Variants in LRP12 observed in about 807,000 individuals in gnomAD.
LRP12 encodes the protein low-density lipoprotein receptor-related protein 12.
In LRP12, 14 loss-of-function variants were observed where a neutral mutation model predicts 66.0. That is an observed-to-expected ratio of 0.21 (90% CI 0.14 to 0.33). The LOEUF is 0.33. Among genes scored for constraint, LRP12 ranks in the 10% least tolerant of loss-of-function variants. The pLI is 1.00. For missense variants in LRP12, 889 were observed against 1,053.4 expected (o/e 0.84, Z 2.16); for synonymous variants, 357 against 359.1 (o/e 0.99, Z 0.07).
chr8:104,541,411 G>T (rs1811474054), intron 1 of LRP12, among the ~76,000 whole-genome samples: 1 of 152,132 alleles, frequency 6.6e-6, no homozygotes, highest in Admixed American at 6.5e-5. Context: ...TATGACTGTG[G>T]TTCACAAGAA....
chr8:104,498,936 T>C (rs1448306274), intron 4 of LRP12, among the ~76,000 whole-genome samples: 1 of 152,206 alleles, frequency 6.6e-6, no homozygotes, highest in African/African-American at 2.4e-5. Flanking sequence ...CTATAAACTA[T>C]GAAGGTGAAA....
Position 104,540,640 on chromosome 8 carries a change from C to A in LRP12, c.80-8677G>T, listed in dbSNP as rs529151373. Among the ~76,000 whole-genome samples, 4 of 152,296 alleles carry A rather than the reference C, an allele frequency of 2.6e-5. No individual in the cohort carries two copies. In the South Asian group the frequency reaches 8.3e-4, roughly 32 times the overall value. On this transcript the variant is annotated intron_variant, in intron 1 of 6. Transcript: ENST00000276654. ...GCCATCCATTATGTATTTATATGAA[C>A]TAGCCTTGAACCTATTTCCCACTTA... is the stretch of plus-strand genomic sequence containing the variant.
intron 3 of LRP12, chr8:104,506,062 T>C (rs1810901911): frequency 6.6e-6 from 1 of 152,250 alleles, no homozygotes; most frequent in Non-Finnish European, 1.5e-5. Context: ...CTAAAAATAC[T>C]ATTTACACGT....
chr8:104,519,004 A>G (rs1811111290), intron 2 of LRP12, among the ~76,000 whole-genome samples: 1 of 152,112 alleles, frequency 6.6e-6, no homozygotes, highest in African/African-American at 2.4e-5. Context: ...CAAGAAAAAT[A>G]AGTTAGAGTA....
chr8:104,571,952 T>C (rs1387908210), intron 1 of LRP12, among the ~76,000 whole-genome samples: 5 of 152,222 alleles, frequency 3.3e-5, no homozygotes, highest in Non-Finnish European at 5.9e-5. Context: ...TAAAAACTTA[T>C]GTCCACACAG....
chr8:104,548,027 ATAT>A (rs1292114768), intron 1 of LRP12, among the ~76,000 whole-genome samples: 2,690 of 120,142 alleles, frequency 0.022, 49 homozygotes, highest in South Asian at 0.043. Context: ...TATATTTTGT[ATAT>A]AATATATAAT....
chr8:104,579,303 A>C (rs1812211060), intron 1 of LRP12, among the ~76,000 whole-genome samples: 2 of 152,178 alleles, frequency 1.3e-5, no homozygotes, highest in South Asian at 4.1e-4. Flanking sequence ...AGCTGAAGCC[A>C]AATCAGGAAT....
intron 1 of LRP12, among the ~76,000 whole-genome samples, chr8:104,585,753 T>C (rs965823334): frequency 2.6e-5 from 4 of 152,106 alleles, no homozygotes; most frequent in Non-Finnish European, 5.9e-5. Context: ...AATGTGTATT[T>C]TAAGGGTGGG....
chr8:104,555,213 T>C (rs541331625), intron 1 of LRP12, among the ~76,000 whole-genome samples: 4 of 152,100 alleles, frequency 2.6e-5, no homozygotes, highest in African/African-American at 9.6e-5. Context: ...CAATGAAATA[T>C]CACAATGAAA....
chr8:104,577,482 G>C (rs1042651105), intron 1 of LRP12, among the ~76,000 whole-genome samples: 4 of 152,162 alleles, frequency 2.6e-5, no homozygotes, highest in Non-Finnish European at 4.4e-5. Flanking sequence ...AATGACTTTT[G>C]GGTAAATAAT....
Position 104,499,429 on chromosome 8 carries a change from A to AGCTCTGT in LRP12, c.356_362dup (p.Cys122GlnfsTer21). ...ACGGAGGTGGAATTGTGGAACCACA[A>AGCTCTGT]GCTCTGTAACTTTCAATATTCTTGT... On this transcript the variant is annotated frameshift_variant, in exon 4 of 7. Coordinates refer to ENST00000276654, the MANE Select transcript of LRP12 (RefSeq NM_013437.5). LOFTEE classifies it high-confidence loss of function. 1 of 1,613,780 alleles carries AGCTCTGT rather than the reference A, an allele frequency of 6.2e-7. No individual in the cohort carries two copies. Among genetic ancestry groups the AGCTCTGT allele is most frequent in the Non-Finnish European group, 8.5e-7 (1 of 1,179,716 alleles).
chr8:104,588,665 C>G (rs531201901), intron 1 of LRP12, among the ~76,000 whole-genome samples, 154 bp downstream of exon 1: 19 of 152,164 alleles, frequency 1.2e-4, no homozygotes, highest in African/African-American at 4.3e-4. Context: ...TGGGGACACC[C>G]GTTCCGCCAC....
intron 2 of LRP12, among the ~76,000 whole-genome samples, chr8:104,519,413 T>G (rs952353814): frequency 6.6e-6 from 1 of 152,054 alleles, no homozygotes; most frequent in Non-Finnish European, 1.5e-5. Context: ...GAACATAGGT[T>G]GAGTATCCCT....
chr8:104,586,346 C>T (rs548584668), intron 1 of LRP12, among the ~76,000 whole-genome samples: 1 of 152,226 alleles, frequency 6.6e-6, no homozygotes, highest in South Asian at 2.1e-4. Context: ...CTGAAGCACA[C>T]CTTAGAGTCA....
At chr8:104,548,332 TATATAAATATATAAA>T (rs1312067231) in intron 1 of LRP12, among the ~76,000 whole-genome samples, 891 of 9,882 alleles carry the variant, frequency 0.09, 121 homozygotes, top group African/African-American at 0.39. Flanking sequence ...TAATATATAT[TATATAAATATATAAA>T]TATATAATAT....
At chr8:104,552,208 T>C (rs1004398105) in intron 1 of LRP12, among the ~76,000 whole-genome samples, 2 of 152,152 alleles carry the variant, frequency 1.3e-5, no homozygotes, top group Non-Finnish European at 2.9e-5. Flanking sequence ...AGTCTTTAGA[T>C]TGTAAGGGAC....
At chr8:104,548,348 T>TAA (rs1564142249) in intron 1 of LRP12, among the ~76,000 whole-genome samples, 22,036 of 44,936 alleles carry the variant, frequency 0.49, 3,966 homozygotes, top group Non-Finnish European at 0.54. Flanking sequence ...AATATATAAA[T>TAA]ATATAATATA....
chr8:104,524,241 CA>C (rs57379814), intron 2 of LRP12, among the ~76,000 whole-genome samples: 50,908 of 96,828 alleles, frequency 0.53, 10,505 homozygotes, highest in East Asian at 0.8. Flanking sequence ...GACCCTGTCT[CA>C]AAAAAAAAAA....
chr8:104,492,553 C>T (rs1174541347), intron 6 of LRP12, among the ~76,000 whole-genome samples: 1 of 152,162 alleles, frequency 6.6e-6, no homozygotes, highest in South Asian at 2.1e-4. Context: ...TGCCAAAACT[C>T]ACACCTCTTC....
Sources: allele counts gnomAD v4.1 joint callset (sites outside exome capture counted in the v4.1 genomes callset), GRCh38; gene constraint gnomAD v4.1.1; transcripts MANE v1.5; gene names NCBI Gene and HGNC (gene_info 2026-07-23, HGNC 2026-07-21).